Variants in ACADM observed in about 807,000 individuals in gnomAD.
ACADM encodes the protein medium-chain specific acyl-CoA dehydrogenase, mitochondrial.
ACADM carries 49 observed loss-of-function variants against 58.9 expected under a neutral mutation model. That is an observed-to-expected ratio of 0.83 (90% CI 0.66 to 1.06). The LOEUF (loss-of-function observed/expected upper bound fraction) is 1.06. Ranked by LOEUF, ACADM falls within the 50% of genes least tolerant of loss-of-function variation. ACADM has a pLI of 0.00. For synonymous variants in ACADM, 160 were observed against 157.7 expected (o/e 1.01, Z -0.11); for missense variants, 496 against 507.0 (o/e 0.98, Z 0.21).
At chr1:75,732,014 T>C (rs1647156642) in intron 2 of ACADM, among the ~76,000 whole-genome samples, 1 of 152,096 alleles carries the variant, frequency 6.6e-6, no homozygotes, top group Non-Finnish European at 1.5e-5. Context: ...TAGCCAGATA[T>C]GGTGGCATGT....
At chr1:75,744,414 G>A in intron 7 of ACADM, 2 of 1,493,614 alleles carry the variant, frequency 1.3e-6, no homozygotes, top group Non-Finnish European at 1.9e-6. Flanking sequence ...CTTCAATCAT[G>A]CCATTTGCTG....
chr1:75,748,881 T>C (rs746523544), intron 8 of ACADM, among the ~76,000 whole-genome samples: 4 of 138,626 alleles, frequency 2.9e-5, no homozygotes, highest in Non-Finnish European at 6.2e-5. Context: ...TATACCTCAG[T>C]AAACCTAATT....
At chr1:75,731,029 G>A (rs1268190094) in intron 2 of ACADM, among the ~76,000 whole-genome samples, 1 of 152,052 alleles carries the variant, frequency 6.6e-6, no homozygotes, top group Non-Finnish European at 1.5e-5. Flanking sequence ...GCTCGGGCCT[G>A]TAATCCCAGC....
At chr1:75,746,299 A>G (rs1262070396) in intron 8 of ACADM, among the ~76,000 whole-genome samples, 1 of 152,222 alleles carries the variant, frequency 6.6e-6, no homozygotes, top group Non-Finnish European at 1.5e-5. Context: ...TGCCCATTTT[A>G]CAGATAAAAA....
intron 8 of ACADM, among the ~76,000 whole-genome samples, 172 bp downstream of exon 8, chr1:75,746,086 AAC>A (rs1168524541): frequency 6.6e-6 from 1 of 152,212 alleles, no homozygotes; most frequent in Non-Finnish European, 1.5e-5. Context: ...AGATTTTGTG[AAC>A]AGTCATTTCA....
chr1:75,749,235 T>A (rs1648065049), intron 8 of ACADM, among the ~76,000 whole-genome samples, 184 bp from the exon 9 acceptor site: 1 of 152,212 alleles, frequency 6.6e-6, no homozygotes, highest in Admixed American at 6.5e-5. Flanking sequence ...TAACTGTAGA[T>A]GATATATGAA....
In ACADM at chr1:75,762,949, T is replaced by C; in HGVS notation, c.*186T>C. On this transcript the variant is annotated 3_prime_UTR_variant, in exon 12 of 12. Transcript: ENST00000370841. Reference sequence around the variant, plus strand: ...TTATGTCTCTTAAGCAGGTTTGGTTTTTATTAAAATGATGTGTTTTCTTTA... The same window carrying C: ...TTATGTCTCTTAAGCAGGTTTGGTTCTTATTAAAATGATGTGTTTTCTTTA... 2 of 472,932 alleles carry C rather than the reference T, an allele frequency of 4.2e-6. No individual in the cohort carries two copies. The allele number at this position is 472,932 out of a possible 1,614,324, so 29.3% of individuals were successfully genotyped here.
intron 10 of ACADM, among the ~76,000 whole-genome samples, chr1:75,755,612 C>T (rs1018147792): frequency 1.3e-5 from 2 of 152,180 alleles, no homozygotes; most frequent in African/African-American, 4.8e-5. Context: ...ATCTGTACGT[C>T]ACCATCACCA....
chr1:75,747,886 G>C (rs1050765576), intron 8 of ACADM, among the ~76,000 whole-genome samples: 3 of 152,188 alleles, frequency 2.0e-5, no homozygotes, highest in Admixed American at 1.3e-4. Flanking sequence ...AAATCTGGTA[G>C]GGTGTTTTCT....
intron 8 of ACADM, 25 bp from the exon 9 acceptor site, chr1:75,749,394 T>A: frequency 1.9e-6 from 3 of 1,612,422 alleles, no homozygotes; most frequent in Non-Finnish European, 2.5e-6. Flanking sequence ...AAAAATTCCT[T>A]AAAATATATC....
intron 2 of ACADM, among the ~76,000 whole-genome samples, chr1:75,729,183 T>A (rs1557441539): frequency 1.3e-5 from 2 of 151,590 alleles, no homozygotes; most frequent in Admixed American, 1.3e-4. Flanking sequence ...AGTTATTTTT[T>A]TTATTATTTG....
chr1:75,759,656 C>CTT (rs34394777), intron 10 of ACADM, among the ~76,000 whole-genome samples: 1,207 of 87,438 alleles, frequency 0.014, 22 homozygotes, highest in African/African-American at 0.022. Context: ...TAGCAACTTT[C>CTT]TTTTTTTTTT....
At chr1:75,729,926 G>T (rs1388002203) in intron 2 of ACADM, among the ~76,000 whole-genome samples, 2 of 97,780 alleles carry the variant, frequency 2.0e-5, no homozygotes, top group African/African-American at 8.2e-5. Flanking sequence ...ACTGAGTCTT[G>T]CTCTGTTGCT....
At chr1:75,741,888 ATCTT>A (rs1647586094) in intron 7 of ACADM, among the ~76,000 whole-genome samples, 1 of 152,210 alleles carries the variant, frequency 6.6e-6, no homozygotes, top group Non-Finnish European at 1.5e-5. Context: ...GCACTTCAAG[ATCTT>A]TCTGAGAAAT....
chr1:75,726,225 C>T (rs1406490457), intron 1 of ACADM, among the ~76,000 whole-genome samples: 1 of 152,044 alleles, frequency 6.6e-6, no homozygotes, highest in Non-Finnish European at 1.5e-5. Flanking sequence ...CTGGCCAAAG[C>T]AGGGAAACCC....
intron 10 of ACADM, among the ~76,000 whole-genome samples, chr1:75,753,791 G>T: frequency 1.2e-5 from 1 of 82,634 alleles, no homozygotes; most frequent in Non-Finnish European, 2.3e-5. Flanking sequence ...AATGCTGATA[G>T]CTTCTTTTTT....
chr1:75,758,467 C>G (rs1213645243), intron 10 of ACADM, among the ~76,000 whole-genome samples: 1 of 152,136 alleles, frequency 6.6e-6, no homozygotes, highest in Non-Finnish European at 1.5e-5. Context: ...GGAATCTCAC[C>G]CTGTAGGAAC....
At position 75,734,891 on chromosome 1, in the gene ACADM, G is replaced by A. The variant is rs768201131; in HGVS notation, c.468+20G>A. 1.1e-5 allele frequency: 18 copies of A among 1,567,796 alleles called. No homozygotes were observed. The East Asian group carries it at 1.3e-4, about 12-fold the overall frequency. On this transcript the variant is annotated intron_variant, in intron 6 of 11. Coordinates refer to ENST00000370841, the MANE Select transcript of ACADM (RefSeq NM_000016.6). ...ATGTGTGTGAGTATGTGTAACTGCC[G>A]CTTTATTTCACACTTAAGAAGGGAA...
At chr1:75,761,702 G>C (rs1048587443) in intron 11 of ACADM, 2 of 280,930 alleles carry the variant, frequency 7.1e-6, no homozygotes, top group African/African-American at 2.2e-5. Flanking sequence ...TAATTATTTT[G>C]ATTTGAATCT....
Sources: allele counts gnomAD v4.1 joint callset (sites outside exome capture counted in the v4.1 genomes callset), GRCh38; gene constraint gnomAD v4.1.1; transcripts MANE v1.5; gene names NCBI Gene and HGNC (gene_info 2026-07-23, HGNC 2026-07-21).